The following PXDNL variants were observed in gnomAD, a reference collection of about 807,000 sequenced individuals.
PXDNL encodes the protein peroxidasin like.
PXDNL carries 145 observed loss-of-function variants against 150.8 expected under a neutral mutation model. The observed-to-expected ratio is 0.96, with a 90% CI of 0.84 to 1.10. The LOEUF is 1.10. Among genes scored for constraint, PXDNL ranks in the 50% least tolerant of loss-of-function variants. The pLI is 0.00. For missense variants in PXDNL, 2,087 were observed against 1,873.9 expected (o/e 1.11, Z -2.10); for synonymous variants, 757 against 725.7 (o/e 1.04, Z -0.69).
chr8:51,601,455 C>T (rs572897720), intron 2 of PXDNL, among the ~76,000 whole-genome samples: 1 of 152,076 alleles, frequency 6.6e-6, no homozygotes, highest in East Asian at 1.9e-4. Context: ...TTGAAGTGAA[C>T]CCTTGGTCAT....
Position 51,696,869 on chromosome 8 carries a change from ATG to A in PXDNL, c.165-42111_165-42110del, listed in dbSNP as rs1406231633. On this transcript the variant is annotated intron_variant, in intron 1 of 22. Coordinates refer to ENST00000356297, the MANE Select transcript of PXDNL (RefSeq NM_144651.5). Reference sequence around the variant, plus strand: ...CTGACACACACACAGGTCCACACACATGTGCACACACACATTCTACTCTGCAA... The same window carrying A: ...CTGACACACACACAGGTCCACACACATGCACACACACATTCTACTCTGCAA... Among the ~76,000 whole-genome samples, 19 of 9,202 alleles carry A rather than the reference ATG, an allele frequency of 2.1e-3. 2 individuals carry two copies. The highest frequency in any genetic ancestry group is 3.8e-3 in the Admixed American group (3 of 780). 6.0% of individuals were successfully genotyped at this position (9,202 alleles called of 152,430 possible).
chr8:51,761,956 T>A (rs1367977055), intron 1 of PXDNL, among the ~76,000 whole-genome samples: 1 of 152,190 alleles, frequency 6.6e-6, no homozygotes, highest in African/African-American at 2.4e-5. Context: ...AGATACAGAA[T>A]CTTAGAGTGT....
intron 1 of PXDNL, among the ~76,000 whole-genome samples, chr8:51,674,844 C>T (rs1724815495): frequency 1.3e-5 from 2 of 152,208 alleles, no homozygotes; most frequent in Non-Finnish European, 2.9e-5. Context: ...TAAACCAAGC[C>T]CAGTTTCAGG....
intron 1 of PXDNL, among the ~76,000 whole-genome samples, chr8:51,723,797 G>C (rs996782918): frequency 6.6e-6 from 1 of 152,114 alleles, no homozygotes; most frequent in Non-Finnish European, 1.5e-5. Flanking sequence ...GGGAGGGGGC[G>C]CGGTCAGGCT....
At chr8:51,647,847 A>T (rs1043780802) in intron 2 of PXDNL, among the ~76,000 whole-genome samples, 4 of 152,192 alleles carry the variant, frequency 2.6e-5, no homozygotes, top group African/African-American at 7.2e-5. Context: ...TTTAATATTT[A>T]TTATTAGAAT....
chr8:51,553,920 T>G (rs919462315), intron 4 of PXDNL, among the ~76,000 whole-genome samples: 1 of 152,066 alleles, frequency 6.6e-6, no homozygotes, highest in Non-Finnish European at 1.5e-5. Flanking sequence ...GCCCTTGTGT[T>G]CTAAGCCATA....
intron 17 of PXDNL, among the ~76,000 whole-genome samples, chr8:51,379,121 C>CT (rs1225191439): frequency 6.6e-6 from 1 of 152,146 alleles, no homozygotes; most frequent in Non-Finnish European, 1.5e-5. Context: ...AGTTTCCCTT[C>CT]TTTTTCCCAA....
chr8:51,735,354 G>A (rs1489843936), intron 1 of PXDNL, among the ~76,000 whole-genome samples: 2 of 151,342 alleles, frequency 1.3e-5, no homozygotes, highest in Non-Finnish European at 2.9e-5. Context: ...GCATGGTGGT[G>A]CGTGCCTGTA....
At chr8:51,440,275 G>A (rs909991247) in intron 12 of PXDNL, among the ~76,000 whole-genome samples, 2 of 152,022 alleles carry the variant, frequency 1.3e-5, no homozygotes, top group Non-Finnish European at 1.5e-5. Context: ...TGGGGATTCG[G>A]GGGAAAGGAT....
chr8:51,800,972 G>A (rs2037612707), intron 1 of PXDNL, among the ~76,000 whole-genome samples: 2 of 152,154 alleles, frequency 1.3e-5, no homozygotes, highest in African/African-American at 4.8e-5. Context: ...AGTGATTTTA[G>A]GGAACAAGGG....
intron 2 of PXDNL, among the ~76,000 whole-genome samples, chr8:51,606,992 GGAA>G (rs373128300): frequency 1.2e-3 from 184 of 152,148 alleles, no homozygotes; most frequent in African/African-American, 4.2e-3. Context: ...CTATAACCCA[GGAA>G]GAACTCACAT....
At chr8:51,581,190 A>C (rs1353865064) in intron 3 of PXDNL, among the ~76,000 whole-genome samples, 3 of 152,118 alleles carry the variant, frequency 2.0e-5, no homozygotes. Flanking sequence ...ACTGATTCCA[A>C]TCATCTGTAA....
chr8:51,681,016 T>G (rs879667499), intron 1 of PXDNL, among the ~76,000 whole-genome samples: 21 of 152,034 alleles, frequency 1.4e-4, no homozygotes, highest in African/African-American at 3.4e-4. Context: ...CACATGTGGT[T>G]TTTCGTGCAG....
chr8:51,782,325 A>C (rs13275045), intron 1 of PXDNL, among the ~76,000 whole-genome samples: 104,495 of 152,096 alleles, frequency 0.69, 42,376 homozygotes, highest in Non-Finnish European at 0.9. Context: ...AGCTCAAGGG[A>C]AAGAGGGTCA....
At chr8:51,470,983 A>G (rs1212777988) in intron 8 of PXDNL, among the ~76,000 whole-genome samples, 1 of 151,876 alleles carries the variant, frequency 6.6e-6, no homozygotes. Context: ...AAATTGACAA[A>G]TGGGATCTAG....
chr8:51,633,141 C>T (rs1291219187), intron 2 of PXDNL, among the ~76,000 whole-genome samples: 1 of 152,154 alleles, frequency 6.6e-6, no homozygotes, highest in African/African-American at 2.4e-5. Flanking sequence ...CAAGTGAGAA[C>T]ACATGGTATT....
intron 4 of PXDNL, among the ~76,000 whole-genome samples, chr8:51,551,322 A>G (rs1182905697): frequency 6.6e-6 from 1 of 152,178 alleles, no homozygotes; most frequent in Non-Finnish European, 1.5e-5. Context: ...GAACTATGAA[A>G]AACAATCCTA....
intron 1 of PXDNL, among the ~76,000 whole-genome samples, chr8:51,788,130 C>A (rs72642994): frequency 6.6e-6 from 1 of 152,192 alleles, no homozygotes; most frequent in African/African-American, 2.4e-5. Flanking sequence ...ATATATCCTG[C>A]AAAACCAAAA....
chr8:51,595,543 T>C (rs1813545405), intron 2 of PXDNL, among the ~76,000 whole-genome samples: 1 of 152,214 alleles, frequency 6.6e-6, no homozygotes, highest in Admixed American at 6.5e-5. Flanking sequence ...GGTCTGTTCC[T>C]GCTTGTTATG....
Sources: allele counts gnomAD v4.1 joint callset (sites outside exome capture counted in the v4.1 genomes callset), GRCh38; gene constraint gnomAD v4.1.1; transcripts MANE v1.5; gene names NCBI Gene and HGNC (gene_info 2026-07-23, HGNC 2026-07-21).